The following CNIH1 variants were observed in gnomAD, a reference collection of about 807,000 sequenced individuals.
CNIH1 encodes the protein cornichon family member 1.
Under a neutral mutation model 20.2 loss-of-function variants are expected in CNIH1, and 12 were observed. That is an observed-to-expected ratio of 0.59 (90% confidence interval 0.38 to 0.96). CNIH1 has a LOEUF of 0.96. Ranked by LOEUF, CNIH1 falls within the 40% of genes least tolerant of loss-of-function variation. The pLI, the probability that CNIH1 is intolerant of heterozygous loss-of-function variation, is 0.00. For missense variants in CNIH1, 152 were observed against 178.8 expected (o/e 0.85, Z 0.85); for synonymous variants, 69 against 63.3 (o/e 1.09, Z -0.43).
chr14:54,430,119 T>C, intron 4 of CNIH1, 142 bp downstream of exon 4: 2 of 806,672 alleles, frequency 2.5e-6, no homozygotes. Context: ...ACTGAATGTG[T>C]GCGAATTTGC....
intron 1 of CNIH1, chr14:54,436,921 G>C: frequency 3.0e-6 from 1 of 334,018 alleles, no homozygotes; most frequent in Non-Finnish European, 5.8e-6. Context: ...TCTCACCCTG[G>C]AGTGTGGTAT....
At chr14:54,435,432 T>C (rs1292154020) in intron 2 of CNIH1, among the ~76,000 whole-genome samples, 2 of 152,090 alleles carry the variant, frequency 1.3e-5, no homozygotes, top group African/African-American at 2.4e-5. Context: ...CTAAGCACAA[T>C]GGAGCTACAT....
At chr14:54,433,371 G>A (rs1321018383) in intron 2 of CNIH1, among the ~76,000 whole-genome samples, 1 of 152,096 alleles carries the variant, frequency 6.6e-6, no homozygotes, top group African/African-American at 2.4e-5. Context: ...AAGCTGTAGA[G>A]GGGACTTTCT....
chr14:54,432,955 C>T (rs1006591937), intron 2 of CNIH1, among the ~76,000 whole-genome samples: 3 of 152,148 alleles, frequency 2.0e-5, no homozygotes, highest in African/African-American at 7.2e-5. Context: ...GCTACAGACA[C>T]AACAGAAGAC....
Position 54,424,352 on chromosome 14 carries a change from A to G in CNIH1, c.*3462T>C, listed in dbSNP as rs1437183872. 2 of 152,252 alleles carry G rather than the reference A, an allele frequency of 1.3e-5. No individual in the cohort carries two copies. Among genetic ancestry groups the G allele is most frequent in the African/African-American group, 4.8e-5 (2 of 41,468 alleles). 9.4% of individuals were successfully genotyped at this position (152,252 alleles called of 1,614,324 possible). On this transcript the variant is annotated 3_prime_UTR_variant, in exon 5 of 5. Coordinates refer to ENST00000216416, the MANE Select transcript of CNIH1 (RefSeq NM_005776.3). ...TTGCCATCAAAATTTCTGATTTACA[A>G]TCATGATATACAACTGAGAGATGTA...
intron 4 of CNIH1, among the ~76,000 whole-genome samples, chr14:54,429,369 T>C (rs1212871833): frequency 6.6e-6 from 1 of 152,182 alleles, no homozygotes; most frequent in African/African-American, 2.4e-5. Context: ...ACAGGACAGC[T>C]TCCCACAGAA....
At chr14:54,437,692 G>A (rs2140006589) in intron 1 of CNIH1, among the ~76,000 whole-genome samples, 1 of 149,156 alleles carries the variant, frequency 6.7e-6, no homozygotes, top group Admixed American at 6.7e-5. Flanking sequence ...AAAAAAAAAT[G>A]CAGAACTCAC....
chr14:54,432,515 T>C (rs565328161), intron 2 of CNIH1, among the ~76,000 whole-genome samples: 1 of 152,346 alleles, frequency 6.6e-6, no homozygotes, highest in East Asian at 1.9e-4. Context: ...CCACCCAGAT[T>C]GTTAAACAAT....
Position 54,423,785 on chromosome 14 carries a change from C to T in CNIH1, c.*4029G>A, listed in dbSNP as rs1265995089. ...ATTTTACTTCTCCAGAATACATGAA[C>T]ATGGGAACCAAAGAAATGTAAATAT... On this transcript the variant is annotated 3_prime_UTR_variant, in exon 5 of 5. Transcript: ENST00000216416. 1 of 152,190 alleles carries T rather than the reference C, an allele frequency of 6.6e-6. No homozygotes were observed. The highest frequency in any genetic ancestry group is 2.4e-5 in the African/African-American group (1 of 41,446). 9.4% of individuals were successfully genotyped at this position (152,190 alleles called of 1,614,324 possible).
At chr14:54,436,325 A>G (rs1450630483) in intron 2 of CNIH1, 44 bp downstream of exon 2, 2 of 1,111,656 alleles carry the variant, frequency 1.8e-6, no homozygotes, top group African/African-American at 3.1e-5. Flanking sequence ...TTAAAAACAA[A>G]CATATTTTTA....
At position 54,427,525 on chromosome 14, in the gene CNIH1, T is replaced by C; in HGVS notation, c.*289A>G. The C allele has an allele frequency of 2.4e-6, 1 of 410,486 alleles. No homozygotes were observed. 25.4% of individuals were successfully genotyped at this position (410,486 alleles called of 1,614,324 possible). ...AGTAATTAATGCATCATTCAGAGGA[T>C]TATGGCTGTTCCTTAAGAAGTGCAA... is the stretch of plus-strand genomic sequence containing the variant. On this transcript the variant is annotated 3_prime_UTR_variant, in exon 5 of 5. Transcript: ENST00000216416.
intron 1 of CNIH1, among the ~76,000 whole-genome samples, chr14:54,438,014 C>G (rs2031090089): frequency 6.7e-6 from 1 of 148,706 alleles, no homozygotes; most frequent in Non-Finnish European, 1.5e-5. Context: ...GGGTCTTACT[C>G]TGTCACCCAG....
chr14:54,428,140 G>C lies in CNIH1; in HGVS notation c.408-299C>G, dbSNP rs542776620. ...AGCCATCCAAACATCACACACTCTG[G>C]AGTTGTGTCTAATAATAGAATGAGT... On this transcript the variant is annotated intron_variant, in intron 4 of 4. Coordinates refer to ENST00000216416, the MANE Select transcript of CNIH1 (RefSeq NM_005776.3). 3.9e-5 allele frequency among the ~76,000 whole-genome samples: 6 copies of C among 152,228 alleles called. No homozygotes were observed. The South Asian group carries it at 1.2e-3, about 32-fold the overall frequency.
At chr14:54,439,449 A>G (rs1171863549) in intron 1 of CNIH1, among the ~76,000 whole-genome samples, 1 of 151,616 alleles carries the variant, frequency 6.6e-6, no homozygotes, top group African/African-American at 2.4e-5. Context: ...CTACCCCACC[A>G]CTCTAAGAAT....
chr14:54,437,706 G>A (rs61985907), intron 1 of CNIH1, among the ~76,000 whole-genome samples: 9,082 of 151,796 alleles, frequency 0.06, 475 homozygotes, highest in East Asian at 0.28. Context: ...AACTCACCAG[G>A]GGGATTTCCC....
In CNIH1 at chr14:54,427,690, C is replaced by CCTT; in HGVS notation, c.*123_*124insAAG. The CCTT allele has an allele frequency of 2.1e-6, 2 of 969,730 alleles. No individual in the cohort carries two copies. Among genetic ancestry groups the CCTT allele is most frequent in the South Asian group, 1.5e-5 (1 of 65,726 alleles). 60.1% of individuals were successfully genotyped at this position (969,730 alleles called of 1,614,324 possible). A position where few individuals can be genotyped will look rare whatever the true frequency, so the allele number is the denominator to read the frequency against. ...TGGAAACATTTAAAAAATAAGGAGT[C>CCTT]ATTTTTTAAAGTAACTGATCAGATT... On this transcript the variant is annotated 3_prime_UTR_variant, in exon 5 of 5. Transcript: ENST00000216416.
chr14:54,429,484 C>T (rs2030890101), intron 4 of CNIH1, among the ~76,000 whole-genome samples: 1 of 152,166 alleles, frequency 6.6e-6, no homozygotes, highest in African/African-American at 2.4e-5. Context: ...TCAGGCTGGG[C>T]GCGATGGCTC....
chr14:54,424,675 A>G lies in CNIH1; in HGVS notation c.*3139T>C, dbSNP rs145266824. On this transcript the variant is annotated 3_prime_UTR_variant, in exon 5 of 5. Transcript: ENST00000216416. ...TAAATATTTGACATAGCTTCAAAAT[A>G]TATTGATTTGGGGAGCAGAGAAGAG... is the stretch of plus-strand genomic sequence containing the variant. 3.9e-5 allele frequency: 6 copies of G among 152,372 alleles called. No homozygotes were observed. The East Asian group carries it at 1.2e-3, about 29-fold the overall frequency. 9.4% of individuals were successfully genotyped at this position (152,372 alleles called of 1,614,324 possible). A position where few individuals can be genotyped will look rare whatever the true frequency, so the allele number is the denominator to read the frequency against.
intron 2 of CNIH1, among the ~76,000 whole-genome samples, chr14:54,432,453 TA>T (rs1167524578): frequency 6.6e-6 from 1 of 152,228 alleles, no homozygotes; most frequent in Non-Finnish European, 1.5e-5. Flanking sequence ...ATACATGACT[TA>T]AAATTCAAAG....
Sources: allele counts gnomAD v4.1 joint callset (sites outside exome capture counted in the v4.1 genomes callset), GRCh38; gene constraint gnomAD v4.1.1; transcripts MANE v1.5; gene names NCBI Gene and HGNC (gene_info 2026-07-23, HGNC 2026-07-21).